Variants in TBC1D31 observed in about 807,000 individuals in gnomAD.
TBC1D31 encodes WD repeat domain 67.
Under a neutral mutation model 132.9 loss-of-function variants are expected in TBC1D31, and 99 were observed. That is an observed-to-expected ratio of 0.74 (90% confidence interval 0.63 to 0.88). The LOEUF (loss-of-function observed/expected upper bound fraction) is 0.88. Ranked by LOEUF, TBC1D31 falls within the 40% of genes least tolerant of loss-of-function variation. The probability of loss-of-function intolerance (pLI) is 0.00; values close to 1 mark genes in which losing one functional copy is unlikely to be tolerated. For missense variants in TBC1D31, 1,134 were observed against 1,256.6 expected (o/e 0.90, Z 1.48); for synonymous variants, 385 against 419.4 (o/e 0.92, Z 1.00).
chr8:123,094,250 G>A (rs972675008), intron 5 of TBC1D31, among the ~76,000 whole-genome samples: 1 of 151,908 alleles, frequency 6.6e-6, no homozygotes, highest in Non-Finnish European at 1.5e-5. Flanking sequence ...TTTTAGTAGA[G>A]ACAGGGTTTC....
At chr8:123,140,387 C>T (rs1212752712) in intron 17 of TBC1D31, among the ~76,000 whole-genome samples, 1 of 152,034 alleles carries the variant, frequency 6.6e-6, no homozygotes, top group Non-Finnish European at 1.5e-5. Context: ...TAATGCATAG[C>T]TTGGGAGTGG....
chr8:123,107,323 G>T (rs147276994), intron 8 of TBC1D31, among the ~76,000 whole-genome samples: 1 of 152,112 alleles, frequency 6.6e-6, no homozygotes. Context: ...GAGCATTACC[G>T]TAGCTTTGGA....
chr8:123,145,150 G>A (rs1294902697), intron 20 of TBC1D31, among the ~76,000 whole-genome samples: 1 of 152,158 alleles, frequency 6.6e-6, no homozygotes, highest in African/African-American at 2.4e-5. Context: ...GTCTCAAACT[G>A]CTGGGTTCAA....
chr8:123,115,376 AT>A (rs1312724784), intron 10 of TBC1D31, among the ~76,000 whole-genome samples: 1 of 152,200 alleles, frequency 6.6e-6, no homozygotes, highest in African/African-American at 2.4e-5. Context: ...ATTCTCTGGA[AT>A]TCCATGTCCT....
At chr8:123,131,181 T>C (rs1820581862) in intron 16 of TBC1D31, among the ~76,000 whole-genome samples, 1 of 151,418 alleles carries the variant, frequency 6.6e-6, no homozygotes, top group Non-Finnish European at 1.5e-5. Context: ...CTGGCCAACA[T>C]GGTGAAACCC....
chr8:123,126,618 G>A lies in TBC1D31; in HGVS notation c.1815G>A (p.Met605Ile), dbSNP rs111744757. Residue 605 changes from methionine to isoleucine, a missense_variant, in exon 13 of 22, where the codon ATG (methionine) becomes ATA (isoleucine). Transcript: ENST00000287380. Reference sequence around the variant, plus strand: ...CCAACCATCCTTCCTTCCTTCTGATGACTGTTGTAGCCTACAACATATGTT... The same window carrying A: ...CCAACCATCCTTCCTTCCTTCTGATAACTGTTGTAGCCTACAACATATGTT... ...IFSNHPSFLL[M>I]TVVAYNICSR... 8.1e-5 allele frequency: 131 copies of A among 1,613,910 alleles called. No homozygotes were observed. The highest frequency in any genetic ancestry group is 6.8e-4 in the African/African-American group (51 of 74,988).
At chr8:123,103,280 C>A (rs1160847947) in intron 7 of TBC1D31, 1 of 152,062 alleles carries the variant, frequency 6.6e-6, no homozygotes, top group Non-Finnish European at 1.5e-5. Flanking sequence ...CTCTTTATGT[C>A]ATTATGTATA....
chr8:123,102,358 C>CTT (rs146629815), intron 7 of TBC1D31: 9 of 389,870 alleles, frequency 2.3e-5, no homozygotes, highest in Admixed American at 7.0e-5. Context: ...CGTTTGCCAC[C>CTT]TTTTTTTATT....
At chr8:123,124,938 CAA>C (rs1310001681) in intron 11 of TBC1D31, among the ~76,000 whole-genome samples, 21 of 81,028 alleles carry the variant, frequency 2.6e-4, no homozygotes, top group Middle Eastern at 6.8e-3. Context: ...CTCCGTCTCA[CAA>C]AAAAAAAAAA....
Position 123,140,914 on chromosome 8 carries a change from T to C in TBC1D31, c.2640+13T>C, listed in dbSNP as rs1317277672. On this transcript the variant is annotated intron_variant, in intron 18 of 21. Coordinates refer to ENST00000287380, the MANE Select transcript of TBC1D31 (RefSeq NM_145647.4). ...GAAAACTCAGAAGGTAAAAATATGA[T>C]CCATTTAGTATACATGCAGAGGAGA... 6.2e-7 allele frequency: 1 copy of C among 1,612,354 alleles called. No homozygotes were observed. The highest frequency in any genetic ancestry group is 8.5e-7 in the Non-Finnish European group (1 of 1,179,274).
At chr8:123,095,080 G>A (rs1816722333) in intron 5 of TBC1D31, among the ~76,000 whole-genome samples, 1 of 151,650 alleles carries the variant, frequency 6.6e-6, no homozygotes, top group African/African-American at 2.4e-5. Flanking sequence ...TCTGGATTTT[G>A]CTCTTGTCTT....
chr8:123,129,863 A>G (rs1225814033), intron 15 of TBC1D31, among the ~76,000 whole-genome samples: 3 of 152,266 alleles, frequency 2.0e-5, no homozygotes, highest in Non-Finnish European at 4.4e-5. Flanking sequence ...GTGTAAATTA[A>G]GTAAAGTAAT....
At position 123,152,078 on chromosome 8, in the gene TBC1D31, T is replaced by C; in HGVS notation, c.*139T>C. ...ATGTGTCTATAAAAATTATGTGTTA[T>C]TTAATTCTGATACTTTTTGGCTTGT... On this transcript the variant is annotated 3_prime_UTR_variant, in exon 22 of 22. Coordinates refer to ENST00000287380, the MANE Select transcript of TBC1D31 (RefSeq NM_145647.4). The C allele has an allele frequency of 3.6e-6, 3 of 830,894 alleles. No individual in the cohort carries two copies. The highest frequency in any genetic ancestry group is 4.9e-6 in the Non-Finnish European group (3 of 613,186). 51.5% of individuals were successfully genotyped at this position (830,894 alleles called of 1,614,324 possible).
rs764933203 is a variant in TBC1D31, at chr8:123,105,350, T to A, written c.1095T>A (p.Asp365Glu). 2 of 1,609,964 alleles carry A rather than the reference T, an allele frequency of 1.2e-6. No homozygotes were observed. Among genetic ancestry groups the A allele is most frequent in the African/African-American group, 2.7e-5 (2 of 74,840 alleles). The change falls in exon 8 of 22, where the codon GAT (aspartate) becomes GAA (glutamate). Residue 365 changes from aspartate (D) to glutamate (E), a missense_variant. Transcript: ENST00000287380. Reference sequence around the variant, plus strand: ...CCAAGAATAAACTGAGTTCCAGTGATCTTAAGATGAAAGTAACATCAGGGA... The same window carrying A: ...CCAAGAATAAACTGAGTTCCAGTGAACTTAAGATGAAAGTAACATCAGGGA... Reference protein sequence around the residue: ...DLPKNKLSSSDLKMKVTSGRV... With the variant: ...DLPKNKLSSSELKMKVTSGRV...
chr8:123,157,225 T>C, the TBC1D31 span, among the ~76,000 whole-genome samples: 20 of 152,190 alleles, frequency 1.3e-4, no homozygotes, highest in South Asian at 2.1e-4. Context: ...CAAACAAAAT[T>C]ATTGTGCCCC....
intron 11 of TBC1D31, among the ~76,000 whole-genome samples, chr8:123,123,981 G>T (rs551145447): frequency 6.6e-6 from 1 of 152,040 alleles, no homozygotes; most frequent in African/African-American, 2.4e-5. Flanking sequence ...TATTTTGAAT[G>T]GGGATAGTAG....
At chr8:123,157,364 C>G in the TBC1D31 span, among the ~76,000 whole-genome samples, 1 of 152,072 alleles carries the variant, frequency 6.6e-6, no homozygotes, top group East Asian at 1.9e-4. Flanking sequence ...CTGCGCATGC[C>G]CACTTTTACT....
intron 1 of TBC1D31, among the ~76,000 whole-genome samples, chr8:123,074,655 G>C (rs145478263): frequency 1.3e-5 from 2 of 152,266 alleles, no homozygotes; most frequent in East Asian, 1.9e-4. Context: ...CAAATGTCTT[G>C]TTTGCTTCTT....
intron 4 of TBC1D31, among the ~76,000 whole-genome samples, chr8:123,086,399 G>A (rs1016236430): frequency 2.0e-5 from 3 of 151,798 alleles, no homozygotes; most frequent in African/African-American, 4.9e-5. Flanking sequence ...ACAAAGACAC[G>A]GGGTCTGGAG....
Sources: gnomAD v4.1 joint callset for allele counts (sites outside exome capture counted in the v4.1 genomes callset) on GRCh38, gnomAD v4.1.1 for gene constraint, MANE v1.5 for transcripts, NCBI Gene and HGNC (gene_info 2026-07-23, HGNC 2026-07-21) for gene names.